Variants in RYR2 observed in about 807,000 individuals in gnomAD.
RYR2 encodes the protein cardiac muscle ryanodine receptor-calcium release channel.
In RYR2, 227 loss-of-function variants were observed where a neutral mutation model predicts 601.1. The ratio of observed to expected loss-of-function variants is 0.38; its 90% CI spans 0.34 to 0.42. RYR2 has a LOEUF of 0.42. RYR2 is among the 10% of genes least tolerant of loss of function. The pLI is 1.00. For synonymous variants in RYR2, 2,223 were observed against 2,175.1 expected, an observed-to-expected ratio of 1.02 and a Z score of -0.61; for missense variants, 4,646 against 6,156.5, an observed-to-expected ratio of 0.75 and a Z score of 8.21.
intron 79 of RYR2, among the ~76,000 whole-genome samples, chr1:237,734,633 A>C (rs983499771): frequency 1.3e-5 from 2 of 152,124 alleles, no homozygotes; most frequent in African/African-American, 4.8e-5. Flanking sequence ...TATGTCATTT[A>C]CTCCTCTTGA....
chr1:237,655,459 G>A (rs1011089102), intron 52 of RYR2, among the ~76,000 whole-genome samples: 3 of 152,056 alleles, frequency 2.0e-5, no homozygotes, highest in South Asian at 2.1e-4. Context: ...TCATTATAAT[G>A]TACAGGAATT....
At chr1:237,704,581 TTTGTTTTTGTCATTG>T (rs1688218429) in intron 66 of RYR2, among the ~76,000 whole-genome samples, 1 of 152,092 alleles carries the variant, frequency 6.6e-6, no homozygotes, top group South Asian at 2.1e-4. Flanking sequence ...TGCTGTAGCT[TTTGTTTTTGTCATTG>T]TTGTTTTTGC....
chr1:237,351,854 CAAAAAAAAA>C (rs33955032), intron 3 of RYR2, among the ~76,000 whole-genome samples: 2 of 40,952 alleles, frequency 4.9e-5, no homozygotes, highest in South Asian at 1.6e-3. Context: ...AAAGACCATG[CAAAAAAAAA>C]AAAAAAAAAA....
intron 1 of RYR2, among the ~76,000 whole-genome samples, chr1:237,125,592 A>G (rs939975431): frequency 2.0e-5 from 3 of 152,246 alleles, no homozygotes; most frequent in African/African-American, 7.2e-5. Context: ...TTAAGGAATT[A>G]CATAAAAATA....
intron 4 of RYR2, among the ~76,000 whole-genome samples, chr1:237,359,966 T>C (rs369197238): frequency 1.6e-4 from 25 of 152,330 alleles, no homozygotes; most frequent in Admixed American, 1.6e-3. Flanking sequence ...TTGTTGTCTA[T>C]GAAGCATTGT....
chr1:237,350,613 A>ATG lies in RYR2; in HGVS notation c.274-5351_274-5350insGT, dbSNP rs1698741367. On this transcript the variant is annotated intron_variant, in intron 3 of 104. Transcript: ENST00000366574. ...AAAAAAAAAAAAAAAATATATATATATATATATATATATATATATATCTCT... is the reference window on the plus strand; with the variant it reads ...AAAAAAAAAAAAAAAATATATATATATGTATATATATATATATATATATCTCT... Among the ~76,000 whole-genome samples, 30 of 107,834 alleles carry ATG rather than the reference A, an allele frequency of 2.8e-4. 1 individual carries two copies. Among genetic ancestry groups the ATG allele is most frequent in the African/African-American group, 1.2e-3 (30 of 24,464 alleles). 70.7% of individuals were successfully genotyped at this position (107,834 alleles called of 152,430 possible).
intron 60 of RYR2, among the ~76,000 whole-genome samples, chr1:237,675,484 C>T (rs1172367568): frequency 6.6e-6 from 1 of 152,166 alleles, no homozygotes; most frequent in African/African-American, 2.4e-5. Context: ...TAATTTCTTA[C>T]CTTAATGTCA....
chr1:237,603,771 C>A (rs1293170526), intron 35 of RYR2, among the ~76,000 whole-genome samples: 1 of 152,116 alleles, frequency 6.6e-6, no homozygotes, highest in East Asian at 1.9e-4. Context: ...GGATTGCAAT[C>A]CTAGTCTCTG....
intron 1 of RYR2, among the ~76,000 whole-genome samples, chr1:237,166,615 C>T (rs1676742367): frequency 6.6e-6 from 1 of 151,930 alleles, no homozygotes; most frequent in African/African-American, 2.4e-5. Context: ...GTATGTTTTT[C>T]TTTGGATTTG....
At chr1:237,425,342 A>G (rs1448187814) in intron 12 of RYR2, among the ~76,000 whole-genome samples, 1 of 152,152 alleles carries the variant, frequency 6.6e-6, no homozygotes, top group Non-Finnish European at 1.5e-5. Context: ...ATTGAAATCT[A>G]CATTTTGACT....
intron 6 of RYR2, among the ~76,000 whole-genome samples, chr1:237,370,810 G>A (rs1305032665): frequency 4.6e-5 from 7 of 151,832 alleles, no homozygotes; most frequent in African/African-American, 1.5e-4. Context: ...ACAGGTGCCC[G>A]CCACCACACC....
At chr1:237,635,823 C>T (rs949088576) in intron 44 of RYR2, among the ~76,000 whole-genome samples, 1 of 152,250 alleles carries the variant, frequency 6.6e-6, no homozygotes, top group Non-Finnish European at 1.5e-5. Flanking sequence ...TTTGCTTCAG[C>T]CACCCTTGTC....
chr1:237,148,525 A>AGTAT (rs1288744725), intron 1 of RYR2, among the ~76,000 whole-genome samples: 5 of 81,534 alleles, frequency 6.1e-5, no homozygotes, highest in African/African-American at 1.9e-4. Context: ...TAAAAAAAAA[A>AGTAT]AAATATATAT....
chr1:237,238,569 A>G (rs892107961), intron 1 of RYR2, among the ~76,000 whole-genome samples: 2 of 152,208 alleles, frequency 1.3e-5, no homozygotes, highest in Admixed American at 1.3e-4. Context: ...CTGCTAACAT[A>G]ATAAAGCACT....
chr1:237,501,637 C>T (rs1431947638), intron 21 of RYR2, among the ~76,000 whole-genome samples: 1 of 152,028 alleles, frequency 6.6e-6, no homozygotes, highest in Admixed American at 6.6e-5. Flanking sequence ...TATAATTCTC[C>T]CAGGAATAAT....
chr1:237,433,853 T>A, intron 12 of RYR2, among the ~76,000 whole-genome samples: 1 of 152,142 alleles, frequency 6.6e-6, no homozygotes, highest in South Asian at 2.1e-4. Flanking sequence ...AGTACTTACA[T>A]TATGAAAGGC....
At position 237,511,741 on chromosome 1, in the gene RYR2, G is replaced by T. The variant is rs780664060; in HGVS notation, c.2772G>T (p.Leu924=). ...CATGCCTGGTGGAGTTCTCCAAGCT[G>T]CCTGAACAGGAGCGCAATTACAACT... is the stretch of plus-strand genomic sequence containing the variant. ...QHPCLVEFSK[L]PEQERNYNLQ... The change falls in exon 24 of 105, where the codon CTG becomes CTT. Residue 924 remains leucine (L), a synonymous_variant. Transcript: ENST00000366574. 1.9e-6 allele frequency: 3 copies of T among 1,567,636 alleles called. No homozygotes were observed. Among genetic ancestry groups the T allele is most frequent in the Non-Finnish European group, 2.6e-6 (3 of 1,154,276 alleles).
chr1:237,669,963 G>A (rs1382151000), intron 58 of RYR2, among the ~76,000 whole-genome samples: 3 of 152,128 alleles, frequency 2.0e-5, no homozygotes, highest in African/African-American at 7.2e-5. Context: ...GTTGTAGCGA[G>A]CCGAGATCAC....
chr1:237,815,998 ATC>A (rs1661780639), intron 100 of RYR2, among the ~76,000 whole-genome samples: 1 of 152,156 alleles, frequency 6.6e-6, no homozygotes, highest in Non-Finnish European at 1.5e-5. Context: ...CTGATGGATG[ATC>A]AGTTCATCCA....
Sources: allele counts gnomAD v4.1 joint callset (sites outside exome capture counted in the v4.1 genomes callset), GRCh38; gene constraint gnomAD v4.1.1; transcripts MANE v1.5; gene names NCBI Gene and HGNC (gene_info 2026-07-23, HGNC 2026-07-21).